The following SHISA6 variants were observed in gnomAD, a reference collection of about 807,000 sequenced individuals.
SHISA6 encodes protein shisa-6.
Under a neutral mutation model 47.9 loss-of-function variants are expected in SHISA6, and 22 were observed. The ratio of observed to expected loss-of-function variants is 0.46; its 90% CI spans 0.33 to 0.66. The LOEUF (loss-of-function observed/expected upper bound fraction) is 0.66. SHISA6 is among the 30% of genes least tolerant of loss of function. The pLI is 0.02. For missense variants in SHISA6, 680 were observed against 764.6 expected (o/e 0.89, Z 1.30); for synonymous variants, 388 against 337.8 (o/e 1.15, Z -1.63).
chr17:11,360,676 T>G (rs964967344), intron 2 of SHISA6, among the ~76,000 whole-genome samples: 11 of 151,710 alleles, frequency 7.3e-5, no homozygotes, highest in Non-Finnish European at 1.2e-4. Flanking sequence ...AAATACCTTA[T>G]GTATGCGGGG....
intron 2 of SHISA6, among the ~76,000 whole-genome samples, chr17:11,295,857 G>A (rs374276273): frequency 6.6e-6 from 1 of 151,588 alleles, no homozygotes; most frequent in South Asian, 2.1e-4. Flanking sequence ...CAGCTACTCA[G>A]GAGGCTGAGG....
At chr17:11,469,018 CAAAAAAAA>C (rs61191316) in intron 3 of SHISA6, among the ~76,000 whole-genome samples, 2 of 46,068 alleles carry the variant, frequency 4.3e-5, no homozygotes, top group Admixed American at 3.5e-4. Flanking sequence ...GACTCCGTCT[CAAAAAAAA>C]AAAAAAAAAA....
chr17:11,241,496 G>A lies in SHISA6; in HGVS notation c.74G>A (p.Gly25Glu). The A allele has an allele frequency of 8.6e-7, 1 of 1,167,562 alleles. No individual in the cohort carries two copies. The highest frequency in any genetic ancestry group is 1.1e-6 in the Non-Finnish European group (1 of 937,126). The allele number at this position is 1,167,562 out of a possible 1,614,324, so 72.3% of individuals were successfully genotyped here. A position where few individuals can be genotyped will look rare whatever the true frequency, so the allele number is the denominator to read the frequency against. Residue 25 changes from glycine (G) to glutamate (E), a missense_variant, in exon 1 of 6, where the codon GGA (glycine) becomes GAA (glutamate). Transcript: ENST00000441885. This position sits in a 1 kb window ranked among gnomAD's most constrained non-coding sequence, Gnocchi z 5.5. ...CTGGACCTGCTGCCCAGCGTCCACG[G>A]AGCCCGCGGCCGCGCCGCCAACCGG... is the stretch of plus-strand genomic sequence containing the variant. ...ESLDLLPSVH[G>E]ARGRAANRTL...
At chr17:11,505,747 G>A (rs962869772) in intron 3 of SHISA6, among the ~76,000 whole-genome samples, 2 of 152,138 alleles carry the variant, frequency 1.3e-5, no homozygotes, top group Non-Finnish European at 2.9e-5. Flanking sequence ...AACTAGAAAC[G>A]GTTATTCATT....
chr17:11,314,959 T>C (rs952580609), intron 2 of SHISA6, among the ~76,000 whole-genome samples: 1 of 152,224 alleles, frequency 6.6e-6, no homozygotes, highest in African/African-American at 2.4e-5. Context: ...CACTTCTCTT[T>C]ATGACTTCTA....
rs1567596300 is a variant in SHISA6 at position 11,402,855 on chromosome 17, A to T, written c.895+23346A>T. On this transcript the variant is annotated intron_variant, in intron 3 of 5. Transcript: ENST00000441885. ...AACCAGCAATGGTGTGGACCAGAAGATGCCAAAAGGTGTAGGTTCTCCCTT... is the reference window on the plus strand; with the variant it reads ...AACCAGCAATGGTGTGGACCAGAAGTTGCCAAAAGGTGTAGGTTCTCCCTT... Among the ~76,000 whole-genome samples the T allele has an allele frequency of 3.3e-5, 5 of 152,330 alleles. No individual in the cohort carries two copies. In the South Asian group the frequency reaches 1.0e-3, roughly 32 times the overall value.
chr17:11,241,251 ACCGCGCG>A lies in SHISA6; in HGVS notation c.-167_-161del, dbSNP rs1907308531. On this transcript the variant is annotated 5_prime_UTR_variant, in exon 1 of 6. Transcript: ENST00000441885. This position sits in a 1 kb window ranked among gnomAD's most constrained non-coding sequence, Gnocchi z 5.5. ...GCCCGCGCCGGGCCGGTCCGTGCGC[ACCGCGCG>A]CCGCCGCCGCCACTGCCGCCCGCGC... 5.2e-6 allele frequency: 1 copy of A among 190,916 alleles called. No homozygotes were observed. The highest frequency in any genetic ancestry group is 2.5e-5 in the African/African-American group (1 of 39,506). 11.8% of individuals were successfully genotyped at this position (190,916 alleles called of 1,614,324 possible). A position where few individuals can be genotyped will look rare whatever the true frequency, so the allele number is the denominator to read the frequency against.
intron 4 of SHISA6, among the ~76,000 whole-genome samples, 160 bp downstream of exon 4, chr17:11,552,112 C>T (rs2071936842): frequency 6.6e-6 from 1 of 152,174 alleles, no homozygotes; most frequent in Non-Finnish European, 1.5e-5. Context: ...GGCCACAATG[C>T]TCTAATCTCA....
At position 11,555,753 on chromosome 17, in the gene SHISA6, G is replaced by T; in HGVS notation, c.966G>T (p.Met322Ile). ...CTTTTCTTGCAGAGAAGCCACGGATGAACAACATCCTGACATCAGCCACCG... is the reference window on the plus strand; with the variant it reads ...CTTTTCTTGCAGAGAAGCCACGGATTAACAACATCCTGACATCAGCCACCG... ...TQIPPHEKPR[M>I]NNILTSATEP... Residue 322 changes from methionine (M) to isoleucine (I), a missense_variant, in exon 5 of 6, where the codon ATG (methionine) becomes ATT (isoleucine). Physicochemically the swap from Met to Ile is conservative, Grantham distance 10. Around this residue, in one of 2 missense-constraint regions of SHISA6, gnomAD observed 559 missense variants for 674.1 expected, o/e 0.83. Coordinates refer to ENST00000441885, the MANE Select transcript of SHISA6 (RefSeq NM_207386.4). The T allele has an allele frequency of 6.5e-7, 1 of 1,544,370 alleles. No homozygotes were observed. Among genetic ancestry groups the T allele is most frequent in the Non-Finnish European group, 8.7e-7 (1 of 1,144,368 alleles).
chr17:11,317,953 T>TA (rs1910580006), intron 2 of SHISA6, among the ~76,000 whole-genome samples: 1 of 152,194 alleles, frequency 6.6e-6, no homozygotes, highest in Non-Finnish European at 1.5e-5. Flanking sequence ...ATTCTTGGCT[T>TA]ATCTAACCTG....
intron 3 of SHISA6, among the ~76,000 whole-genome samples, chr17:11,408,653 G>A (rs896344114): frequency 1.3e-5 from 2 of 152,188 alleles, no homozygotes; most frequent in African/African-American, 4.8e-5. Context: ...ATAAACTGCT[G>A]GGATATTGAA....
chr17:11,411,930 G>A (rs552600108), intron 3 of SHISA6, among the ~76,000 whole-genome samples: 3 of 152,246 alleles, frequency 2.0e-5, no homozygotes, highest in Admixed American at 2.0e-4. Context: ...ATTCATAAAT[G>A]CCTACCAATG....
chr17:11,386,849 A>G (rs564002882), intron 3 of SHISA6, among the ~76,000 whole-genome samples: 1 of 152,304 alleles, frequency 6.6e-6, no homozygotes, highest in South Asian at 2.1e-4. Context: ...GTGAGGGGTT[A>G]GGGTGACCGA....
chr17:11,274,127 A>T (rs932937899), intron 2 of SHISA6, among the ~76,000 whole-genome samples: 3 of 152,170 alleles, frequency 2.0e-5, no homozygotes, highest in Admixed American at 6.5e-5. Flanking sequence ...TGGTGGCTGC[A>T]CAGGCTTGGC....
At chr17:11,321,623 G>T (rs1466875629) in intron 2 of SHISA6, among the ~76,000 whole-genome samples, 1 of 152,120 alleles carries the variant, frequency 6.6e-6, no homozygotes, top group Admixed American at 6.5e-5. Context: ...TTATATAGTT[G>T]AGTTTCAATC....
At chr17:11,440,268 T>C (rs550611952) in intron 3 of SHISA6, among the ~76,000 whole-genome samples, 2 of 152,286 alleles carry the variant, frequency 1.3e-5, no homozygotes, top group African/African-American at 4.8e-5. Flanking sequence ...TGCTACTTCA[T>C]AATTTGCATC....
intron 3 of SHISA6, among the ~76,000 whole-genome samples, chr17:11,486,814 A>AC (rs1307829776): frequency 6.6e-6 from 1 of 152,162 alleles, no homozygotes; most frequent in African/African-American, 2.4e-5. Flanking sequence ...TAGCTATCCA[A>AC]CACCCACTAC....
chr17:11,544,252 GACTCTATTAAA>G (rs1042047185), intron 3 of SHISA6, among the ~76,000 whole-genome samples: 19 of 151,976 alleles, frequency 1.3e-4, no homozygotes, highest in African/African-American at 4.4e-4. Context: ...CTCTGCAAAA[GACTCTATTAAA>G]AGGATGACAA....
intron 2 of SHISA6, among the ~76,000 whole-genome samples, chr17:11,350,178 A>T (rs868199319): frequency 0.076 from 7,601 of 99,862 alleles, 452 homozygotes; most frequent in East Asian, 0.14. Flanking sequence ...TTATTTATTT[A>T]TTTATTTTTT....
Sources: allele counts gnomAD v4.1 joint callset (sites outside exome capture counted in the v4.1 genomes callset), GRCh38; gene constraint gnomAD v4.1.1; regional missense constraint gnomAD v4.1.1; non-coding constraint Gnocchi (gnomAD v3.1); transcripts MANE v1.5; gene names NCBI Gene and HGNC (gene_info 2026-07-23, HGNC 2026-07-21).